ABCC1: variants seen among roughly 807,000 people sequenced by gnomAD.
ABCC1 encodes multidrug resistance-associated protein 1.
ABCC1 carries 83 observed loss-of-function variants against 172.9 expected under a neutral mutation model. The observed-to-expected ratio is 0.48, with a 90% CI of 0.40 to 0.58. The LOEUF is 0.58. Among genes scored for constraint, ABCC1 ranks in the 20% least tolerant of loss-of-function variants. The pLI, the probability that ABCC1 is intolerant of heterozygous loss-of-function variation, is 0.00. For synonymous variants in ABCC1, 937 were observed against 825.2 expected (o/e 1.14, Z -2.32); for missense variants, 1,817 against 2,002.7 (o/e 0.91, Z 1.77).
At chr16:16,055,027 C>T (rs2049590168) in intron 11 of ABCC1, among the ~76,000 whole-genome samples, 1 of 152,058 alleles carries the variant, frequency 6.6e-6, no homozygotes. Context: ...GCCAGGAGTG[C>T]AAGACCAGCC....
intron 1 of ABCC1, among the ~76,000 whole-genome samples, chr16:15,988,732 C>T (rs1201866800): frequency 6.6e-6 from 1 of 152,072 alleles, no homozygotes; most frequent in African/African-American, 2.4e-5. Flanking sequence ...GATGGGCAGC[C>T]TGACCTCTGC....
At chr16:15,978,899 C>T (rs909234847) in intron 1 of ABCC1, among the ~76,000 whole-genome samples, 6 of 152,064 alleles carry the variant, frequency 3.9e-5, no homozygotes, top group East Asian at 1.9e-4. Flanking sequence ...ACGGGACAGA[C>T]GTATCCAGCC....
In ABCC1 at chr16:16,014,472, C is replaced by T. The variant is rs200707069; in HGVS notation, c.352-19C>T. The T allele has an allele frequency of 3.4e-4, 546 of 1,612,390 alleles. No individual in the cohort carries two copies. The highest frequency in any genetic ancestry group is 4.4e-4 in the Non-Finnish European group (519 of 1,179,302). On this transcript the variant is annotated intron_variant, in intron 3 of 30. Transcript: ENST00000399410. The stretch of plus-strand genomic sequence containing the variant: ...CAAAAAAAAACCCAACAACTCCTGT[C>T]TTGTGCTTCTCTCCTCAGCTGCTTG...
chr16:16,128,335 G>A (rs570227178), intron 26 of ABCC1, among the ~76,000 whole-genome samples: 4 of 152,020 alleles, frequency 2.6e-5, no homozygotes, highest in Non-Finnish European at 4.4e-5. Context: ...ATTTTTAGTA[G>A]AGAAGGGATT....
intron 16 of ABCC1, among the ~76,000 whole-genome samples, 181 bp downstream of exon 16, chr16:16,079,659 C>T (rs2644983): frequency 0.24 from 37,216 of 151,960 alleles, 5,923 homozygotes; most frequent in African/African-American, 0.46. Context: ...TGTTCTGTTC[C>T]GTGCTGTCCT....
At chr16:16,008,505 C>T (rs976990521) in intron 2 of ABCC1, among the ~76,000 whole-genome samples, 2 of 151,176 alleles carry the variant, frequency 1.3e-5, no homozygotes, top group African/African-American at 4.9e-5. Flanking sequence ...ACGCCTGGCC[C>T]CTAATTTTTT....
At chr16:15,977,725 G>T (rs747190505) in intron 1 of ABCC1, among the ~76,000 whole-genome samples, 14 of 152,144 alleles carry the variant, frequency 9.2e-5, no homozygotes, top group Non-Finnish European at 1.9e-4. Flanking sequence ...TGGGATTACA[G>T]GTGTGAGCCA....
At position 15,990,848 on chromosome 16, in the gene ABCC1, A is replaced by T. The variant is rs555068721; in HGVS notation, c.49-16968A>T. On this transcript the variant is annotated intron_variant, in intron 1 of 30. Coordinates refer to ENST00000399410, the MANE Select transcript of ABCC1 (RefSeq NM_004996.4). ...TTTTTTTTTTTTTTGCATTTTTAGT[A>T]GAGATGGGGTTTCACCGTGTTAGCC... Among the ~76,000 whole-genome samples the T allele has an allele frequency of 1.0e-3, 134 of 128,684 alleles. 1 individual carries two copies. Among genetic ancestry groups the T allele is most frequent in the African/African-American group, 3.9e-3 (127 of 32,344 alleles). The allele number at this position is 128,684 out of a possible 152,430, so 84.4% of individuals were successfully genotyped here. A position where few individuals can be genotyped will look rare whatever the true frequency, so the allele number is the denominator to read the frequency against.
chr16:16,078,440 A>G (rs778036725), intron 15 of ABCC1, among the ~76,000 whole-genome samples: 2 of 152,156 alleles, frequency 1.3e-5, no homozygotes, highest in African/African-American at 4.8e-5. Flanking sequence ...TTCAACTCAG[A>G]TTTATTCATA....
intron 1 of ABCC1, among the ~76,000 whole-genome samples, chr16:15,964,602 A>G (rs1446418355): frequency 6.6e-6 from 1 of 151,994 alleles, no homozygotes; most frequent in Non-Finnish European, 1.5e-5. Flanking sequence ...AAATTTTATA[A>G]ATATTTATAA....
In ABCC1 at chr16:16,077,249, A is replaced by G. The variant is rs35628; in HGVS notation, c.1988+848A>G. On this transcript the variant is annotated intron_variant, in intron 15 of 30. Transcript: ENST00000399410. The stretch of plus-strand genomic sequence containing the variant: ...GCCTGGGTAGCCAAATCACTGCTGT[A>G]TTTTATGATGAAGGAGAGAAACTCT... Among the ~76,000 whole-genome samples the G allele has an allele frequency of 0.13, 19,217 of 152,146 alleles. 1,375 individuals carry two copies. Among genetic ancestry groups the G allele is most frequent in the East Asian group, 0.22 (1,155 of 5,174 alleles).
chr16:16,098,741 C>T (rs1194946057), intron 19 of ABCC1: 4 of 757,916 alleles, frequency 5.3e-6, no homozygotes, highest in Non-Finnish European at 8.2e-6. Context: ...ACAAATGGAG[C>T]AGACCCTTCA....
At chr16:16,025,784 A>C (rs1157925871) in intron 5 of ABCC1, among the ~76,000 whole-genome samples, 1 of 151,834 alleles carries the variant, frequency 6.6e-6, no homozygotes, top group Non-Finnish European at 1.5e-5. Flanking sequence ...AGAACACATC[A>C]CTCTGTTTGG....
Position 16,083,438 on chromosome 16 carries a change from T to C in ABCC1, c.2188T>C (p.Cys730Arg). The change falls in exon 17 of 31, where the codon TGT (cysteine) becomes CGT (arginine). Residue 730 changes from cysteine to arginine, a missense_variant. This residue lies in a region of ABCC1 where 1,412 missense variants were observed against 1,600.3 expected (regional missense o/e 0.88). Transcript: ENST00000399410. ...TCTCCGAGAAAACATCCTTTTTGGA[T>C]GTCAGCTGGAGGAACCATATTACAG... ...DSLRENILFG[C>R]QLEEPYYRSV... 1 of 1,613,994 alleles carries C rather than the reference T, an allele frequency of 6.2e-7. No homozygotes were observed. Among genetic ancestry groups the C allele is most frequent in the Middle Eastern group, 1.7e-4 (1 of 5,876 alleles).
Position 15,997,826 on chromosome 16 carries a change from TTC to T in ABCC1, c.49-9989_49-9988del, listed in dbSNP as rs1311107517. 3.7e-3 allele frequency among the ~76,000 whole-genome samples: 534 copies of T among 143,354 alleles called. 13 individuals are homozygous for T. Among genetic ancestry groups the T allele is most frequent in the African/African-American group, 0.013 (501 of 37,674 alleles). 94.0% of individuals were successfully genotyped at this position (143,354 alleles called of 152,430 possible). On this transcript the variant is annotated intron_variant, in intron 1 of 30. Coordinates refer to ENST00000399410, the MANE Select transcript of ABCC1 (RefSeq NM_004996.4). The stretch of plus-strand genomic sequence containing the variant: ...ATACCTTTTTTTTTTTTTTTTTTTT[TTC>T]CCTGAGACAGAGTCTCGCTCTGTCA...
At chr16:16,103,845 C>G (rs986315236) in intron 20 of ABCC1, among the ~76,000 whole-genome samples, 1 of 152,134 alleles carries the variant, frequency 6.6e-6, no homozygotes, top group Non-Finnish European at 1.5e-5. Flanking sequence ...GTCTTGGTCT[C>G]ACTGACTTCA....
intron 1 of ABCC1, among the ~76,000 whole-genome samples, chr16:16,006,437 A>G (rs1428617617): frequency 6.7e-6 from 1 of 149,650 alleles, no homozygotes; most frequent in South Asian, 2.1e-4. Context: ...AAAAAAAAAG[A>G]AAAATTTAAA....
intron 1 of ABCC1, among the ~76,000 whole-genome samples, chr16:16,005,377 C>G (rs1349895036): frequency 6.8e-6 from 1 of 147,452 alleles, no homozygotes; most frequent in Non-Finnish European, 1.5e-5. Context: ...GAGACACAGT[C>G]TTGCTCTGTT....
chr16:16,106,644 T>C, intron 20 of ABCC1, 94 bp from the exon 21 acceptor site: 2 of 1,507,452 alleles, frequency 1.3e-6, no homozygotes. Context: ...TCTTATGCCA[T>C]GGTTCAGACC....
Sources: allele counts gnomAD v4.1 joint callset (sites outside exome capture counted in the v4.1 genomes callset), GRCh38; gene constraint gnomAD v4.1.1; regional missense constraint gnomAD v4.1.1; transcripts MANE v1.5; gene names NCBI Gene and HGNC (gene_info 2026-07-23, HGNC 2026-07-21).